Variants in ULK4 observed in about 807,000 individuals in gnomAD.
ULK4 encodes the protein unc-51 like kinase 4, also known as inactive serine/threonine-protein kinase ULK4.
A neutral mutation model predicts 160.6 loss-of-function variants in ULK4; 133 were observed. The observed-to-expected ratio is 0.83, with a 90% CI of 0.72 to 0.96. The LOEUF is 0.96. ULK4 is among the 40% of genes least tolerant of loss of function. The probability of loss-of-function intolerance (pLI) is 0.00; values close to 1 mark genes in which losing one functional copy is unlikely to be tolerated. For synonymous variants in ULK4, 534 were observed against 539.8 expected (o/e 0.99, Z 0.15); for missense variants, 1,580 against 1,499.5 (o/e 1.05, Z -0.89).
intron 17 of ULK4, among the ~76,000 whole-genome samples, chr3:41,873,883 T>TGG (rs1575865098): frequency 2.1e-4 from 31 of 146,116 alleles, no homozygotes; most frequent in South Asian, 1.9e-3. Context: ...TTTTTTTTGT[T>TGG]TTTTTTTTTT....
chr3:41,703,433 T>A (rs2036752000), intron 27 of ULK4, among the ~76,000 whole-genome samples: 1 of 151,760 alleles, frequency 6.6e-6, no homozygotes, highest in South Asian at 2.1e-4. Flanking sequence ...AACCCATGAG[T>A]CAATAAAGAA....
chr3:41,936,831 T>C (rs889063059), intron 3 of ULK4, among the ~76,000 whole-genome samples: 1 of 152,006 alleles, frequency 6.6e-6, no homozygotes, highest in African/African-American at 2.4e-5. Flanking sequence ...ATAGTAAGAA[T>C]GAATAAAAAC....
chr3:41,291,201 T>A (rs1262549354), intron 35 of ULK4, among the ~76,000 whole-genome samples: 1 of 152,030 alleles, frequency 6.6e-6, no homozygotes, highest in Non-Finnish European at 1.5e-5. Context: ...ATGACTTCTG[T>A]TTTCTTCACT....
chr3:41,501,314 G>A (rs1393325743), intron 32 of ULK4, among the ~76,000 whole-genome samples: 1 of 152,116 alleles, frequency 6.6e-6, no homozygotes, highest in Non-Finnish European at 1.5e-5. Flanking sequence ...TGGCTAACAC[G>A]GTGAAACCCC....
At chr3:41,626,319 C>T (rs2033504966) in intron 30 of ULK4, among the ~76,000 whole-genome samples, 1 of 151,922 alleles carries the variant, frequency 6.6e-6, no homozygotes, top group Admixed American at 6.6e-5. Flanking sequence ...TGTCAATACA[C>T]AATATTTTAA....
At chr3:41,757,051 C>A (rs1397831700) in intron 21 of ULK4, among the ~76,000 whole-genome samples, 7 of 129,686 alleles carry the variant, frequency 5.4e-5, no homozygotes, top group African/African-American at 1.7e-4. Flanking sequence ...AAGAAAAAAA[C>A]CACATAAACT....
chr3:41,877,172 G>T (rs75549423), intron 17 of ULK4, among the ~76,000 whole-genome samples: 6,943 of 152,114 alleles, frequency 0.046, 497 homozygotes, highest in African/African-American at 0.16. Flanking sequence ...AAAACTCAGC[G>T]TTTTGACTGT....
At chr3:41,610,968 G>A (rs971453917) in intron 31 of ULK4, among the ~76,000 whole-genome samples, 1 of 152,116 alleles carries the variant, frequency 6.6e-6, no homozygotes, top group Non-Finnish European at 1.5e-5. Flanking sequence ...AACTCCAAAG[G>A]CTGATACATC....
chr3:41,919,754 G>C lies in ULK4; in HGVS notation c.606C>G (p.Leu202=), dbSNP rs371389988. ...RGADFSISSD[L]WSLGCLLYEM... is the part of the protein sequence containing the mutation. ...CATAAAGCAGACAGCCCAAAGACCAGAGGTCACTGGAGATGGAAAAGTCAG... is the reference window on the plus strand; with the variant it reads ...CATAAAGCAGACAGCCCAAAGACCACAGGTCACTGGAGATGGAAAAGTCAG... Residue 202 remains leucine (L), a synonymous_variant, in exon 6 of 37, where the codon CTC becomes CTG. Transcript: ENST00000301831. The C allele has an allele frequency of 2.5e-6, 4 of 1,614,064 alleles. No individual in the cohort carries two copies. Among genetic ancestry groups the C allele is most frequent in the Non-Finnish European group, 3.4e-6 (4 of 1,180,008 alleles).
chr3:41,499,522 G>T (rs76387534), intron 32 of ULK4, among the ~76,000 whole-genome samples: 3,561 of 152,252 alleles, frequency 0.023, 124 homozygotes, highest in African/African-American at 0.077. Flanking sequence ...AAAATACGTG[G>T]TGGGCTCACA....
At chr3:41,827,362 G>A (rs1035973305) in intron 18 of ULK4, among the ~76,000 whole-genome samples, 13 of 151,958 alleles carry the variant, frequency 8.6e-5, no homozygotes, top group Non-Finnish European at 1.8e-4. Context: ...AACAATCAGT[G>A]AATCCAGGAG....
intron 34 of ULK4, among the ~76,000 whole-genome samples, chr3:41,449,821 C>T (rs1449551389): frequency 6.7e-6 from 1 of 149,580 alleles, no homozygotes; most frequent in African/African-American, 2.5e-5. Flanking sequence ...GCACAGTGAT[C>T]TCAGAAACAT....
At chr3:41,780,828 A>AG (rs2039815639) in intron 21 of ULK4, among the ~76,000 whole-genome samples, 1 of 152,188 alleles carries the variant, frequency 6.6e-6, no homozygotes, top group Non-Finnish European at 1.5e-5. Context: ...TTTAACCACA[A>AG]GCAGTCCTGC....
chr3:41,930,420 T>C (rs1699552778), intron 5 of ULK4, among the ~76,000 whole-genome samples: 1 of 152,182 alleles, frequency 6.6e-6, no homozygotes, highest in African/African-American at 2.4e-5. Flanking sequence ...ATTCAGGATA[T>C]AGGCATGGGC....
At chr3:41,841,399 G>C (rs1354702592) in intron 17 of ULK4, among the ~76,000 whole-genome samples, 1 of 150,488 alleles carries the variant, frequency 6.6e-6, no homozygotes, top group Non-Finnish European at 1.5e-5. Flanking sequence ...TCGTGTGGGA[G>C]GTAGAGAGCG....
intron 17 of ULK4, among the ~76,000 whole-genome samples, chr3:41,862,765 GTC>G (rs549887441): frequency 0.19 from 26,938 of 142,900 alleles, 2,570 homozygotes; most frequent in Middle Eastern, 0.34. Flanking sequence ...CAGTCAGTCA[GTC>G]TCTCTCTCTC....
intron 2 of ULK4, among the ~76,000 whole-genome samples, chr3:41,951,846 T>C (rs909052241): frequency 1.4e-4 from 21 of 152,200 alleles, no homozygotes; most frequent in African/African-American, 5.1e-4. Context: ...TCTTCTGCCA[T>C]GTGGGAACAC....
intron 31 of ULK4, among the ~76,000 whole-genome samples, chr3:41,572,279 C>A (rs907393288): frequency 4.6e-5 from 7 of 152,126 alleles, no homozygotes; most frequent in Admixed American, 3.9e-4. Flanking sequence ...TTAACCAACA[C>A]CACCTGTGGA....
At chr3:41,681,218 C>A (rs1026324299) in intron 29 of ULK4, among the ~76,000 whole-genome samples, 1 of 152,122 alleles carries the variant, frequency 6.6e-6, no homozygotes, top group African/African-American at 2.4e-5. Context: ...ATAACCCTCA[C>A]CCCTTGAGCC....
Sources: gnomAD v4.1 joint callset for allele counts (sites outside exome capture counted in the v4.1 genomes callset) on GRCh38, gnomAD v4.1.1 for gene constraint, MANE v1.5 for transcripts, NCBI Gene and HGNC (gene_info 2026-07-23, HGNC 2026-07-21) for gene names.